Variants in AGPAT4 observed in about 807,000 individuals in gnomAD.
AGPAT4 encodes the protein 1-acylglycerol-3-phosphate O-acyltransferase 4.
A neutral mutation model predicts 48.0 loss-of-function variants in AGPAT4; 15 were observed. That is an observed-to-expected ratio of 0.31 (90% CI 0.21 to 0.48). The LOEUF (loss-of-function observed/expected upper bound fraction) is 0.48. Ranked by LOEUF, AGPAT4 falls within the 20% of genes least tolerant of loss-of-function variation. The pLI is 0.99. For synonymous variants in AGPAT4, 178 were observed against 198.7 expected, an observed-to-expected ratio of 0.90 and a Z score of 0.88; for missense variants, 314 against 482.5, an observed-to-expected ratio of 0.65 and a Z score of 3.27.
chr6:161,185,283 CTT>C (rs35820706), intron 2 of AGPAT4, among the ~76,000 whole-genome samples: 40 of 109,270 alleles, frequency 3.7e-4, no homozygotes, highest in Admixed American at 5.7e-4. Flanking sequence ...TTTAAGATGT[CTT>C]TTTTTTTTTT....
Position 161,168,110 on chromosome 6 carries a change from G to A in AGPAT4, c.179-1693C>T, listed in dbSNP as rs574365169. On this transcript the variant is annotated intron_variant, in intron 2 of 8. Transcript: ENST00000320285. ...GACGCATCCTGGGAGTTGGTTGTGG[G>A]GGCAGGAAGGCGGTGGTGGGGTGGG... 1.7e-4 allele frequency among the ~76,000 whole-genome samples: 26 copies of A among 152,174 alleles called. 2 individuals carry two copies. The South Asian group carries it at 5.2e-3, about 30-fold the overall frequency.
rs1162132628 is a variant in AGPAT4 at position 161,242,418 on chromosome 6, C to T, written c.-89-10116G>A. 6.6e-6 allele frequency among the ~76,000 whole-genome samples: 1 copy of T among 152,158 alleles called. No homozygotes were observed. The highest frequency in any genetic ancestry group is 1.5e-5 in the Non-Finnish European group (1 of 68,028). On this transcript the variant is annotated intron_variant, in intron 1 of 8. Coordinates refer to ENST00000320285, the MANE Select transcript of AGPAT4 (RefSeq NM_020133.3). The surrounding 1 kb of genome is among the most constrained non-coding windows in gnomAD (Gnocchi z 5.0). ...TGCTCATGAGTATTTAAGCGACTTC[C>T]CTTTCACAGTCAGTCCTGGGGAGCC...
chr6:161,183,768 G>C (rs1780679351), intron 2 of AGPAT4, among the ~76,000 whole-genome samples: 1 of 148,530 alleles, frequency 6.7e-6, no homozygotes, highest in African/African-American at 2.5e-5. Flanking sequence ...TGATCCTTCT[G>C]GGGGGCCCAG....
intron 2 of AGPAT4, among the ~76,000 whole-genome samples, chr6:161,167,244 T>C (rs1203655197): frequency 6.6e-6 from 1 of 152,170 alleles, no homozygotes; most frequent in Non-Finnish European, 1.5e-5. Context: ...CCCTTTCTTT[T>C]GAGATGGAGT....
At chr6:161,253,024 G>A (rs191773531) in intron 1 of AGPAT4, among the ~76,000 whole-genome samples, 1 of 151,702 alleles carries the variant, frequency 6.6e-6, no homozygotes, top group East Asian at 2.0e-4. Context: ...GACCATCCTG[G>A]CCAATACGGT....
chr6:161,231,882 T>C lies in AGPAT4; in HGVS notation c.178+154A>G, dbSNP rs1782132896. Among the ~76,000 whole-genome samples the C allele has an allele frequency of 6.6e-6, 1 of 152,036 alleles. No homozygotes were observed. Among genetic ancestry groups the C allele is most frequent in the Non-Finnish European group, 1.5e-5 (1 of 68,010 alleles). ...CATTCAAAAAATAATTTTGGGGGAT[T>C]GAGAACAAAATAGCCATTTCAAACC... On this transcript the variant is annotated intron_variant, in intron 2 of 8. Transcript: ENST00000320285. This position sits in a 1 kb window ranked among gnomAD's most constrained non-coding sequence, Gnocchi z 5.3.
In AGPAT4 at chr6:161,267,162, T is replaced by C. The variant is rs76032742; in HGVS notation, c.-90+6776A>G. Among the ~76,000 whole-genome samples the C allele has an allele frequency of 3.1e-3, 474 of 152,318 alleles. 8 individuals are homozygous for C. The East Asian group carries it at 0.049, about 16-fold the overall frequency. On this transcript the variant is annotated intron_variant, in intron 1 of 8. Coordinates refer to ENST00000320285, the MANE Select transcript of AGPAT4 (RefSeq NM_020133.3). This position sits in a 1 kb window ranked among gnomAD's most constrained non-coding sequence, Gnocchi z 5.2. ...GGTTTTGAGAAGAGTTCATCTTTAA[T>C]TTAATGTATGTACTGCATTGTCACT...
At chr6:161,176,695 G>T (rs989136694) in intron 2 of AGPAT4, among the ~76,000 whole-genome samples, 1 of 152,118 alleles carries the variant, frequency 6.6e-6, no homozygotes, top group Non-Finnish European at 1.5e-5. Context: ...GATGTTAGCT[G>T]GTTATTTTGC....
chr6:161,216,448 C>A lies in AGPAT4; in HGVS notation c.178+15588G>T, dbSNP rs892434722. ...CTCAGGACAGTGAAACGCTTCCGGGCAATCGTTCTTTCCTCATTCTTTCCC... is the reference window on the plus strand; with the variant it reads ...CTCAGGACAGTGAAACGCTTCCGGGAAATCGTTCTTTCCTCATTCTTTCCC... On this transcript the variant is annotated intron_variant, in intron 2 of 8. Coordinates refer to ENST00000320285, the MANE Select transcript of AGPAT4 (RefSeq NM_020133.3). The surrounding 1 kb of genome is among the most constrained non-coding windows in gnomAD (Gnocchi z 4.8). Among the ~76,000 whole-genome samples the A allele has an allele frequency of 9.2e-5, 14 of 152,166 alleles. No homozygotes were observed. The highest frequency in any genetic ancestry group is 3.1e-4 in the African/African-American group (13 of 41,434).
At position 161,189,282 on chromosome 6, in the gene AGPAT4, CT is replaced by C. The variant is rs1780856404; in HGVS notation, c.179-22866del. ...TGTCCTGCCTCCTCCCCATCTGGCT[CT>C]TGTGGTGAAGTCTAATGAGTGTGCC... On this transcript the variant is annotated intron_variant, in intron 2 of 8. Transcript: ENST00000320285. This position sits in a 1 kb window ranked among gnomAD's most constrained non-coding sequence, Gnocchi z 5.3. Among the ~76,000 whole-genome samples, 1 of 152,124 alleles carries C rather than the reference CT, an allele frequency of 6.6e-6. No homozygotes were observed. The highest frequency in any genetic ancestry group is 6.5e-5 in the Admixed American group (1 of 15,268).
intron 2 of AGPAT4, among the ~76,000 whole-genome samples, chr6:161,191,811 T>A (rs1684029976): frequency 6.6e-6 from 1 of 152,352 alleles, no homozygotes; most frequent in African/African-American, 2.4e-5. Context: ...ACACATAGCA[T>A]GGACAAAACT....
chr6:161,199,890 C>G (rs3946016), intron 2 of AGPAT4, among the ~76,000 whole-genome samples: 1 of 152,160 alleles, frequency 6.6e-6, no homozygotes, highest in African/African-American at 2.4e-5. Context: ...TCAGGTAGCT[C>G]TTCATAGCAG....
At position 161,134,129 on chromosome 6, in the gene AGPAT4, GA is replaced by G. The variant is rs1270956405; in HGVS notation, c.*2410del. On this transcript the variant is annotated 3_prime_UTR_variant, in exon 9 of 9. Transcript: ENST00000320285. ...GACAGGTCAAATGACTGATGAGAAA[GA>G]GGTCCAGATCTCTCCCCAGCACGCC... is the stretch of plus-strand genomic sequence containing the variant. 6.6e-6 allele frequency: 1 copy of G among 152,220 alleles called. No individual in the cohort carries two copies. The allele number at this position is 152,220 out of a possible 1,614,324, so 9.4% of individuals were successfully genotyped here. A position where few individuals can be genotyped will look rare whatever the true frequency, so the allele number is the denominator to read the frequency against.
rs1781120741 is a variant in AGPAT4, at chr6:161,198,104, G to A, written c.179-31687C>T. Among the ~76,000 whole-genome samples, 1 of 151,636 alleles carries A rather than the reference G, an allele frequency of 6.6e-6. No individual in the cohort carries two copies. The highest frequency in any genetic ancestry group is 1.5e-5 in the Non-Finnish European group (1 of 67,982). On this transcript the variant is annotated intron_variant, in intron 2 of 8. Transcript: ENST00000320285. The surrounding 1 kb of genome is among the most constrained non-coding windows in gnomAD (Gnocchi z 4.3). ...TTTCCCTTTACTGTTCCATAATAAAGAACACATGTCTATTGTACTAACTAA... is the reference window on the plus strand; with the variant it reads ...TTTCCCTTTACTGTTCCATAATAAAAAACACATGTCTATTGTACTAACTAA...
rs1351026801 is a variant in AGPAT4, at chr6:161,234,728, A to G, written c.-89-2426T>C. Among the ~76,000 whole-genome samples the G allele has an allele frequency of 6.6e-6, 1 of 152,098 alleles. No homozygotes were observed. The highest frequency in any genetic ancestry group is 2.1e-4 in the South Asian group (1 of 4,812). ...TTTTCACTAGGTTTCTGGGGTCTAG[A>G]GTTTGTAAATTACTTGACAAATCCT... On this transcript the variant is annotated intron_variant, in intron 1 of 8. Transcript: ENST00000320285. The surrounding 1 kb of genome is among the most constrained non-coding windows in gnomAD (Gnocchi z 4.4).
At position 161,262,007 on chromosome 6, in the gene AGPAT4, T is replaced by C. The variant is rs560174502; in HGVS notation, c.-90+11931A>G. Among the ~76,000 whole-genome samples the C allele has an allele frequency of 3.9e-5, 6 of 152,284 alleles. No homozygotes were observed. The South Asian group carries it at 1.2e-3, about 32-fold the overall frequency. On this transcript the variant is annotated intron_variant, in intron 1 of 8. Transcript: ENST00000320285. This position sits in a 1 kb window ranked among gnomAD's most constrained non-coding sequence, Gnocchi z 4.9. The stretch of plus-strand genomic sequence containing the variant: ...AGAAGAGTTCCTAGTCGAGGGCTGG[T>C]GGTGAGGATTATCCGTAGACCTTTG...
intron 1 of AGPAT4, among the ~76,000 whole-genome samples, chr6:161,258,978 A>G (rs897646915): frequency 2.3e-4 from 35 of 151,926 alleles, no homozygotes; most frequent in African/African-American, 8.0e-4. Flanking sequence ...TTGTATTTTT[A>G]GTAGAGACAG....
rs576635867 is a variant in AGPAT4, at chr6:161,142,544, A to T, written c.844-2924T>A. On this transcript the variant is annotated intron_variant, in intron 7 of 8. Transcript: ENST00000320285. This position sits in a 1 kb window ranked among gnomAD's most constrained non-coding sequence, Gnocchi z 6.4. Reference sequence around the variant, plus strand: ...TGAGAGGCGGCAGATCCCCGGACGAACGCCCCCTGCAGCCCGCAACAAAGG... The same window carrying T: ...TGAGAGGCGGCAGATCCCCGGACGATCGCCCCCTGCAGCCCGCAACAAAGG... Among the ~76,000 whole-genome samples the T allele has an allele frequency of 5.9e-5, 9 of 152,268 alleles. No homozygotes were observed. In the South Asian group the frequency reaches 1.9e-3, roughly 32 times the overall value.
chr6:161,273,764 C>T (rs1159475811), intron 1 of AGPAT4, among the ~76,000 whole-genome samples, 174 bp downstream of exon 1: 1 of 150,862 alleles, frequency 6.6e-6, no homozygotes, highest in Non-Finnish European at 1.5e-5. Flanking sequence ...TCCAGGCGCC[C>T]CCTGCACCTT....
Sources: gnomAD v4.1 joint callset for allele counts (sites outside exome capture counted in the v4.1 genomes callset) on GRCh38, gnomAD v4.1.1 for gene constraint, Gnocchi (gnomAD v3.1) non-coding constraint, MANE v1.5 for transcripts, NCBI Gene and HGNC (gene_info 2026-07-23, HGNC 2026-07-21) for gene names.